Variants in TENM3 observed in about 807,000 individuals in gnomAD.
TENM3 encodes teneurin-3.
In TENM3, 63 loss-of-function variants were observed where a neutral mutation model predicts 255.1. That is an observed-to-expected ratio of 0.25 (90% confidence interval 0.20 to 0.30). The LOEUF (loss-of-function observed/expected upper bound fraction) is 0.30. Among genes scored for constraint, TENM3 ranks in the 10% least tolerant of loss-of-function variants. The probability of loss-of-function intolerance (pLI) is 1.00; values close to 1 mark genes in which losing one functional copy is unlikely to be tolerated. For synonymous variants in TENM3, 1,306 were observed against 1,322.3 expected (o/e 0.99, Z 0.27); for missense variants, 2,929 against 3,461.1 (o/e 0.85, Z 3.86).
At chr4:181,546,774 T>G in the TENM3 span, among the ~76,000 whole-genome samples, 1 of 150,160 alleles carries the variant, frequency 6.7e-6, no homozygotes, top group African/African-American at 2.5e-5. Flanking sequence ...TAGATCTTTA[T>G]AGACTGAAGT....
At chr4:182,221,529 C>G (rs996342961) in intron 1 of TENM3, among the ~76,000 whole-genome samples, 1 of 152,198 alleles carries the variant, frequency 6.6e-6, no homozygotes, top group Non-Finnish European at 1.5e-5. Context: ...CAGCCTAACA[C>G]TTGAAACTAT....
At chr4:181,989,460 AT>A in the TENM3 span, among the ~76,000 whole-genome samples, 5 of 152,184 alleles carry the variant, frequency 3.3e-5, no homozygotes, top group Admixed American at 2.0e-4. Context: ...CTAAAAAAAA[AT>A]CTTTAGAAAT....
the TENM3 span, among the ~76,000 whole-genome samples, chr4:181,779,173 C>G: frequency 2.6e-5 from 4 of 152,226 alleles, no homozygotes; most frequent in Admixed American, 2.6e-4. Context: ...GTTTTCACTG[C>G]CTCTAGCCAT....
chr4:181,910,839 C>T, the TENM3 span, among the ~76,000 whole-genome samples: 32 of 152,020 alleles, frequency 2.1e-4, no homozygotes, highest in Non-Finnish European at 4.0e-4. Flanking sequence ...CAAAACCACA[C>T]GACTTTTAAA....
At chr4:181,958,948 T>C in the TENM3 span, among the ~76,000 whole-genome samples, 1 of 152,184 alleles carries the variant, frequency 6.6e-6, no homozygotes, top group South Asian at 2.1e-4. Context: ...ATCTAGACAA[T>C]GTATTGATTC....
chr4:181,682,673 G>C, the TENM3 span, among the ~76,000 whole-genome samples: 1 of 152,030 alleles, frequency 6.6e-6, no homozygotes, highest in Non-Finnish European at 1.5e-5. Context: ...AAATGACCTT[G>C]GTAGATTGGA....
chr4:182,284,569 C>T (rs1359151205), intron 1 of TENM3, among the ~76,000 whole-genome samples: 1 of 152,122 alleles, frequency 6.6e-6, no homozygotes, highest in Admixed American at 6.5e-5. Context: ...CACTCCACTG[C>T]ACCCTGATTA....
At chr4:181,793,196 C>A in the TENM3 span, among the ~76,000 whole-genome samples, 1 of 152,278 alleles carries the variant, frequency 6.6e-6, no homozygotes, top group Admixed American at 6.5e-5. Flanking sequence ...CCAGGGCTGG[C>A]CGGCGATCCA....
chr4:182,350,033 G>GA (rs10644033), intron 3 of TENM3: 32,402 of 152,012 alleles, frequency 0.21, 3,635 homozygotes, highest in East Asian at 0.38. Flanking sequence ...GTTTTTCCCA[G>GA]AAAAAAAAAA....
the TENM3 span, among the ~76,000 whole-genome samples, chr4:182,129,777 C>T: frequency 6.6e-6 from 1 of 152,028 alleles, no homozygotes; most frequent in Non-Finnish European, 1.5e-5. Context: ...AAAAGAAGGT[C>T]AATGTTCAAT....
the TENM3 span, among the ~76,000 whole-genome samples, chr4:181,622,521 C>A: frequency 6.6e-6 from 1 of 151,942 alleles, no homozygotes; most frequent in African/African-American, 2.4e-5. Context: ...AATAAAAATA[C>A]AAAAATTAGC....
chr4:182,035,402 A>G, the TENM3 span, among the ~76,000 whole-genome samples: 1 of 152,160 alleles, frequency 6.6e-6, no homozygotes, highest in Non-Finnish European at 1.5e-5. Flanking sequence ...AATTAATAGC[A>G]TTTTTTGGTC....
intron 3 of TENM3, among the ~76,000 whole-genome samples, chr4:182,447,477 A>G (rs752951665): frequency 2.6e-5 from 4 of 152,204 alleles, no homozygotes; most frequent in East Asian, 3.9e-4. Context: ...GTTCAAGAAG[A>G]TAAGGAAATT....
intron 3 of TENM3, among the ~76,000 whole-genome samples, chr4:182,440,246 G>T (rs533340930): frequency 6.6e-6 from 1 of 151,618 alleles, no homozygotes; most frequent in Non-Finnish European, 1.5e-5. Flanking sequence ...CAAGTAACTG[G>T]GACTACAGGC....
the TENM3 span, among the ~76,000 whole-genome samples, chr4:181,677,986 G>A: frequency 2.0e-5 from 3 of 152,222 alleles, no homozygotes; most frequent in African/African-American, 4.8e-5. Context: ...TGGCTTGGTA[G>A]CATCCGATTT....
the TENM3 span, among the ~76,000 whole-genome samples, chr4:181,692,937 T>C: frequency 1.3e-5 from 2 of 152,136 alleles, no homozygotes; most frequent in Non-Finnish European, 2.9e-5. Flanking sequence ...TAGAAACTAC[T>C]CGAAGAGTTC....
At chr4:182,161,961 A>G (rs28661409) in intron 1 of TENM3, among the ~76,000 whole-genome samples, 776 of 2,204 alleles carry the variant, frequency 0.35, 155 homozygotes, top group Middle Eastern at 0.75. Flanking sequence ...GTGTGTGTGT[A>G]TATATATATA....
chr4:182,404,983 C>T (rs1190588604), intron 3 of TENM3, among the ~76,000 whole-genome samples: 2 of 152,138 alleles, frequency 1.3e-5, no homozygotes, highest in East Asian at 1.9e-4. Flanking sequence ...TAGAGAGCAT[C>T]GGGAAGGTGG....
At chr4:181,712,045 GCTTTGTATTAAGTCAAAAGAGAAAAT>G in the TENM3 span, among the ~76,000 whole-genome samples, 1 of 152,054 alleles carries the variant, frequency 6.6e-6, no homozygotes, top group African/African-American at 2.4e-5. Flanking sequence ...CCCATTTTTA[GCTTTGTATTAAGTCAAAAGAGAAAAT>G]ATTTCATTTA....
Sources: gnomAD v4.1 joint callset for allele counts (sites outside exome capture counted in the v4.1 genomes callset) on GRCh38, gnomAD v4.1.1 for gene constraint, MANE v1.5 for transcripts, NCBI Gene and HGNC (gene_info 2026-07-23, HGNC 2026-07-21) for gene names.